The following RBM33 variants were observed in gnomAD, a reference collection of about 807,000 sequenced individuals.
RBM33 encodes RNA-binding protein 33.
In RBM33, 28 loss-of-function variants were observed where a neutral mutation model predicts 132.6. That is an observed-to-expected ratio of 0.21 (90% CI 0.16 to 0.29). RBM33 has a LOEUF of 0.29. Ranked by LOEUF, RBM33 falls within the 10% of genes least tolerant of loss-of-function variation. The pLI, the probability that RBM33 is intolerant of heterozygous loss-of-function variation, is 1.00. For missense variants in RBM33, 1,291 were observed against 1,518.5 expected (o/e 0.85, Z 2.49); for synonymous variants, 634 against 593.0 (o/e 1.07, Z -1.01).
intron 16 of RBM33, among the ~76,000 whole-genome samples, chr7:155,770,401 C>T (rs1353808861): frequency 6.6e-6 from 1 of 152,210 alleles, no homozygotes; most frequent in African/African-American, 2.4e-5. Context: ...GCACACCGTT[C>T]CATACAGAAA....
intron 5 of RBM33, among the ~76,000 whole-genome samples, chr7:155,696,324 A>G (rs1410529035): frequency 6.6e-6 from 1 of 152,240 alleles, no homozygotes; most frequent in Non-Finnish European, 1.5e-5. Flanking sequence ...TTTTTAAATC[A>G]TATTGGGAGA....
chr7:155,665,957 C>T (rs1798789705), intron 2 of RBM33, among the ~76,000 whole-genome samples: 1 of 152,066 alleles, frequency 6.6e-6, no homozygotes, highest in Non-Finnish European at 1.5e-5. Flanking sequence ...TTTGAAGCTG[C>T]AGTCAATTTG....
intron 3 of RBM33, among the ~76,000 whole-genome samples, chr7:155,678,030 A>G (rs965500437): frequency 6.6e-5 from 10 of 152,222 alleles, no homozygotes; most frequent in African/African-American, 2.4e-4. Flanking sequence ...AACTCTTGAC[A>G]GAATAGCTAG....
chr7:155,745,375 A>G lies in RBM33; in HGVS notation c.2752A>G (p.Thr918Ala), dbSNP rs772593092. ...KALKHLRQTR[T>A]VPQSQTQPLH... ...ACTGAAACATTTGAGACAGACCAGA[A>G]CAGTTCCTCAAAGTCAGACTCAGCC... Residue 918 changes from threonine (T) to alanine (A), a missense_variant, in exon 14 of 18, where the codon ACA becomes GCA. Physicochemically the swap from Thr to Ala is moderately conservative, Grantham distance 58 (BLOSUM62 0). Around this residue, in one of 7 missense-constraint regions of RBM33, gnomAD observed 841 missense variants for 912.0 expected, o/e 0.92. Coordinates refer to ENST00000401878, the MANE Select transcript of RBM33 (RefSeq NM_053043.3). This position sits in a 1 kb window ranked among gnomAD's most constrained non-coding sequence, Gnocchi z 4.1. 9.9e-6 allele frequency: 16 copies of G among 1,613,212 alleles called. No individual in the cohort carries two copies. The highest frequency in any genetic ancestry group is 1.3e-5 in the African/African-American group (1 of 74,916).
chr7:155,745,072 G>A lies in RBM33; in HGVS notation c.2449G>A (p.Gly817Ser), dbSNP rs1016425285. The A allele has an allele frequency of 3.7e-6, 6 of 1,605,686 alleles. No individual in the cohort carries two copies. The highest frequency in any genetic ancestry group is 5.1e-6 in the Non-Finnish European group (6 of 1,175,828). The stretch of plus-strand genomic sequence containing the variant: ...GGAGTTACGGCGGCAGCAGCAGGCT[G>A]GTGCCAGGAAGAAGGAGCTGCTGGA... ...QKELRRQQQA[G>S]ARKKELLERL... The change falls in exon 14 of 18, where the codon GGT (glycine) becomes AGT (serine). Residue 817 changes from glycine to serine, a missense_variant. This residue lies in a region of RBM33 where 841 missense variants were observed against 912.0 expected (regional missense o/e 0.92). Transcript: ENST00000401878. This position sits in a 1 kb window ranked among gnomAD's most constrained non-coding sequence, Gnocchi z 4.1.
At chr7:155,699,527 G>T (rs748300484) in intron 5 of RBM33, among the ~76,000 whole-genome samples, 11 of 152,114 alleles carry the variant, frequency 7.2e-5, no homozygotes, top group Non-Finnish European at 1.2e-4. Context: ...CAGAAATAAC[G>T]GTATCAAACC....
At chr7:155,755,820 CCT>C (rs1439065121) in intron 14 of RBM33, among the ~76,000 whole-genome samples, 1 of 142,620 alleles carries the variant, frequency 7.0e-6, no homozygotes, top group African/African-American at 2.7e-5. Flanking sequence ...GGGCTACAGA[CCT>C]CTTTTTTTTT....
intron 5 of RBM33, among the ~76,000 whole-genome samples, chr7:155,693,131 A>G (rs1218718177): frequency 6.6e-6 from 1 of 152,218 alleles, no homozygotes; most frequent in Non-Finnish European, 1.5e-5. Flanking sequence ...AATAATGATT[A>G]CTACTAAATG....
At chr7:155,773,280 C>T (rs1025671406) in intron 16 of RBM33, among the ~76,000 whole-genome samples, 4 of 152,050 alleles carry the variant, frequency 2.6e-5, no homozygotes, top group South Asian at 2.1e-4. Flanking sequence ...TTAGAAGAAT[C>T]GGGCACCAGG....
chr7:155,670,595 T>C (rs1798918264), intron 2 of RBM33, among the ~76,000 whole-genome samples: 1 of 152,208 alleles, frequency 6.6e-6, no homozygotes. Context: ...CAAATTAGCA[T>C]CTTAGTGTCT....
In RBM33 at chr7:155,761,082, C is replaced by T. The variant is rs117429061; in HGVS notation, c.2980-2730C>T. 8.6e-3 allele frequency among the ~76,000 whole-genome samples: 1,303 copies of T among 152,340 alleles called. 19 individuals carry two copies. Among genetic ancestry groups the T allele is most frequent in the Non-Finnish European group, 0.011 (721 of 68,036 alleles). ...GGCTGGACGATAGCAGATATACACA[C>T]GGTCCTTTCCTTTGTGTAGTGTGTT... On this transcript the variant is annotated intron_variant, in intron 14 of 17. Transcript: ENST00000401878.
At position 155,738,248 on chromosome 7, in the gene RBM33, G is replaced by T. The variant is rs1316336601; in HGVS notation, c.1582G>T (p.Val528Leu). Reference sequence around the variant, plus strand: ...GCCAGTGTTCCCAAGAGAGCGGCCCGTACGACCAGCCTTGCAGCCTCCAGG... The same window carrying T: ...GCCAGTGTTCCCAAGAGAGCGGCCCTTACGACCAGCCTTGCAGCCTCCAGG... ...QQPVFPRERP[V>L]RPALQPPGPV... Residue 528 changes from valine (V) to leucine (L), a missense_variant, in exon 11 of 18, where the codon GTA (valine) becomes TTA (leucine). Around this residue, in one of 7 missense-constraint regions of RBM33, gnomAD observed 841 missense variants for 912.0 expected, o/e 0.92. Coordinates refer to ENST00000401878, the MANE Select transcript of RBM33 (RefSeq NM_053043.3). The T allele has an allele frequency of 6.2e-7, 1 of 1,613,806 alleles. No individual in the cohort carries two copies. Among genetic ancestry groups the T allele is most frequent in the South Asian group, 1.1e-5 (1 of 91,086 alleles).
In RBM33 at chr7:155,745,976, G is replaced by A. The variant is rs1429639390; in HGVS notation, c.2979+374G>A. ...ACACAATGATGAGTAGTTGTGTGTC[G>A]AAATGTATCTTAGTGAAGGTACAGT... On this transcript the variant is annotated intron_variant, in intron 14 of 17. Coordinates refer to ENST00000401878, the MANE Select transcript of RBM33 (RefSeq NM_053043.3). This position sits in a 1 kb window ranked among gnomAD's most constrained non-coding sequence, Gnocchi z 4.1. Among the ~76,000 whole-genome samples, 2 of 152,176 alleles carry A rather than the reference G, an allele frequency of 1.3e-5. No individual in the cohort carries two copies. The highest frequency in any genetic ancestry group is 2.1e-4 in the South Asian group (1 of 4,830).
chr7:155,743,899 C>T (rs996786070), intron 13 of RBM33, among the ~76,000 whole-genome samples: 8 of 152,172 alleles, frequency 5.3e-5, no homozygotes, highest in South Asian at 2.1e-4. Context: ...TCCCCCTGGA[C>T]GCCATGTCTT....
Position 155,721,298 on chromosome 7 carries a change from G to A in RBM33, c.1260+2855G>A, listed in dbSNP as rs532700164. Among the ~76,000 whole-genome samples the A allele has an allele frequency of 9.9e-5, 15 of 152,222 alleles. 1 individual carries two copies. The East Asian group carries it at 2.7e-3, about 27-fold the overall frequency. On this transcript the variant is annotated intron_variant, in intron 9 of 17. Coordinates refer to ENST00000401878, the MANE Select transcript of RBM33 (RefSeq NM_053043.3). The stretch of plus-strand genomic sequence containing the variant: ...AGCCACAGGCCCTGTGCAGAGAGGC[G>A]GGAGGGAGCACATAGTTGTCAAATA...
At position 155,718,647 on chromosome 7, in the gene RBM33, A is replaced by G. The variant is rs183901644; in HGVS notation, c.1260+204A>G. On this transcript the variant is annotated intron_variant, in intron 9 of 17. Coordinates refer to ENST00000401878, the MANE Select transcript of RBM33 (RefSeq NM_053043.3). ...AGTAGAATTAATTTTGTTTAACTGT[A>G]AAATTGTTGAATCAGGATCATCAGT... Among the ~76,000 whole-genome samples the G allele has an allele frequency of 2.8e-3, 423 of 152,338 alleles. 5 individuals carry two copies. Among genetic ancestry groups the G allele is most frequent in the Middle Eastern group, 6.8e-3 (2 of 294 alleles).
chr7:155,749,271 A>C (rs1481796855), intron 14 of RBM33, among the ~76,000 whole-genome samples: 1 of 152,174 alleles, frequency 6.6e-6, no homozygotes, highest in Non-Finnish European at 1.5e-5. Context: ...GAAATAAATT[A>C]TGTGATTTTT....
At chr7:155,709,483 C>G (rs1455892028) in intron 7 of RBM33, among the ~76,000 whole-genome samples, 1 of 152,226 alleles carries the variant, frequency 6.6e-6, no homozygotes, top group African/African-American at 2.4e-5. Context: ...GAGTCTTAGT[C>G]TCTAGCCTAA....
intron 5 of RBM33, among the ~76,000 whole-genome samples, chr7:155,685,382 A>G (rs905455185): frequency 6.6e-6 from 1 of 152,248 alleles, no homozygotes; most frequent in Non-Finnish European, 1.5e-5. Context: ...GGACCATTCA[A>G]CAAATACTGC....
Sources: gnomAD v4.1 joint callset for allele counts (sites outside exome capture counted in the v4.1 genomes callset) on GRCh38, gnomAD v4.1.1 for gene constraint, gnomAD v4.1.1 regional missense constraint, Gnocchi (gnomAD v3.1) non-coding constraint, MANE v1.5 for transcripts, NCBI Gene and HGNC (gene_info 2026-07-23, HGNC 2026-07-21) for gene names.